The following ADAMTSL1 variants were observed in gnomAD, a reference collection of about 807,000 sequenced individuals.
ADAMTSL1 encodes the protein ADAMTS-like protein 1.
Under a neutral mutation model 201.8 loss-of-function variants are expected in ADAMTSL1, and 126 were observed. The ratio of observed to expected loss-of-function variants is 0.62; its 90% CI spans 0.54 to 0.72. The LOEUF is 0.72. Among genes scored for constraint, ADAMTSL1 ranks in the 30% least tolerant of loss-of-function variants. The pLI, the probability that ADAMTSL1 is intolerant of heterozygous loss-of-function variation, is 0.00. For missense variants in ADAMTSL1, 2,679 were observed against 2,277.8 expected (o/e 1.18, Z -3.59); for synonymous variants, 1,121 against 903.4 (o/e 1.24, Z -4.32).
At chr9:18,597,278 G>A (rs560923434) in intron 4 of ADAMTSL1, among the ~76,000 whole-genome samples, 63 of 152,260 alleles carry the variant, frequency 4.1e-4, no homozygotes, top group Middle Eastern at 3.4e-3. Context: ...CTGTTGATGT[G>A]AGCTAAATTT....
At chr9:18,431,373 C>A (rs1007664364) in intron 2 of ADAMTSL1, among the ~76,000 whole-genome samples, 1 of 152,144 alleles carries the variant, frequency 6.6e-6, no homozygotes, top group Non-Finnish European at 1.5e-5. Context: ...CAGTGTGGCT[C>A]ATTTTTCACA....
At chr9:18,183,894 A>G (rs1316112933) in intron 2 of ADAMTSL1, among the ~76,000 whole-genome samples, 1 of 152,214 alleles carries the variant, frequency 6.6e-6, no homozygotes, top group Non-Finnish European at 1.5e-5. Flanking sequence ...AATTTTATAT[A>G]GTTGAAACAA....
chr9:18,156,855 G>T (rs367741064), intron 1 of ADAMTSL1, among the ~76,000 whole-genome samples: 1 of 152,062 alleles, frequency 6.6e-6, no homozygotes, highest in Non-Finnish European at 1.5e-5. Flanking sequence ...GAACTCTTTG[G>T]AAACAGAATC....
intron 2 of ADAMTSL1, among the ~76,000 whole-genome samples, chr9:18,449,814 A>G (rs1045171733): frequency 2.6e-5 from 4 of 152,196 alleles, no homozygotes; most frequent in African/African-American, 9.6e-5. Flanking sequence ...AATGCACAGT[A>G]AAACCACAAT....
intron 4 of ADAMTSL1, among the ~76,000 whole-genome samples, chr9:18,611,182 C>T (rs1225045629): frequency 1.3e-5 from 2 of 152,114 alleles, no homozygotes; most frequent in Admixed American, 6.5e-5. Context: ...CATGATGTCA[C>T]CACAATTCAC....
At chr9:18,890,699 G>A (rs1317403214) in intron 25 of ADAMTSL1, 4 of 413,962 alleles carry the variant, frequency 9.7e-6, no homozygotes, top group Non-Finnish European at 2.0e-5. Context: ...CTGTAACATA[G>A]CCTGGCCCGC....
intron 21 of ADAMTSL1, among the ~76,000 whole-genome samples, chr9:18,821,381 T>C (rs1824199941): frequency 6.6e-6 from 1 of 152,178 alleles, no homozygotes; most frequent in Admixed American, 6.5e-5. Context: ...AAGGTCTCCA[T>C]AGGGGTTACC....
At chr9:18,805,104 G>T (rs1248461952) in intron 20 of ADAMTSL1, among the ~76,000 whole-genome samples, 2 of 152,036 alleles carry the variant, frequency 1.3e-5, no homozygotes, top group Non-Finnish European at 2.9e-5. Flanking sequence ...CTCTAATGGG[G>T]GTCACCCAGG....
intron 2 of ADAMTSL1, among the ~76,000 whole-genome samples, chr9:18,227,137 T>C: frequency 6.6e-6 from 1 of 152,152 alleles, no homozygotes. Context: ...ACATTACCCA[T>C]ACCTCAAAAC....
chr9:18,050,799 C>T (rs1821897733), intron 1 of ADAMTSL1, among the ~76,000 whole-genome samples: 1 of 152,122 alleles, frequency 6.6e-6, no homozygotes, highest in South Asian at 2.1e-4. Context: ...GGCTGCCTTC[C>T]CATGGCAGAA....
chr9:18,809,881 G>C (rs1324484476), intron 20 of ADAMTSL1, among the ~76,000 whole-genome samples: 1 of 152,202 alleles, frequency 6.6e-6, no homozygotes, highest in Non-Finnish European at 1.5e-5. Flanking sequence ...AAGTTGTATG[G>C]TTTGATTCAT....
intron 1 of ADAMTSL1, among the ~76,000 whole-genome samples, chr9:17,907,539 A>G (rs1052504421): frequency 5.9e-5 from 9 of 152,092 alleles, no homozygotes; most frequent in Non-Finnish European, 1.3e-4. Flanking sequence ...GGCCCTGACC[A>G]TACCCCCTCC....
chr9:17,953,715 G>A (rs998225547), intron 1 of ADAMTSL1, among the ~76,000 whole-genome samples: 1 of 152,142 alleles, frequency 6.6e-6, no homozygotes, highest in Admixed American at 6.6e-5. Context: ...GGATATGCTT[G>A]TATGTGCATG....
chr9:18,338,560 C>T (rs1206531789), intron 2 of ADAMTSL1, among the ~76,000 whole-genome samples: 2 of 152,142 alleles, frequency 1.3e-5, no homozygotes, highest in African/African-American at 4.8e-5. Flanking sequence ...GATCCTCCTA[C>T]CTCAGTCTCC....
intron 14 of ADAMTSL1, 69 bp downstream of exon 14, chr9:18,707,117 G>A: frequency 6.6e-7 from 1 of 1,526,554 alleles, no homozygotes; most frequent in Non-Finnish European, 8.8e-7. Context: ...GCATGCAGCT[G>A]GATCATGTGA....
chr9:18,366,433 T>A (rs906230032), intron 2 of ADAMTSL1, among the ~76,000 whole-genome samples: 1 of 152,090 alleles, frequency 6.6e-6, no homozygotes, highest in Non-Finnish European at 1.5e-5. Context: ...TCCTCATTTA[T>A]GTGTACATTT....
intron 23 of ADAMTSL1, among the ~76,000 whole-genome samples, chr9:18,844,332 G>A (rs546511716): frequency 2.9e-4 from 44 of 152,288 alleles, no homozygotes; most frequent in Non-Finnish European, 5.0e-4. Flanking sequence ...TACCAGCAGC[G>A]GTGGCTGCAG....
chr9:18,715,086 T>C (rs1182837509), intron 14 of ADAMTSL1, among the ~76,000 whole-genome samples: 165 of 98,032 alleles, frequency 1.7e-3, no homozygotes, highest in Non-Finnish European at 2.4e-3. Flanking sequence ...TTGGACGTAT[T>C]TCAAAATAAT....
At position 18,414,700 on chromosome 9, in the gene ADAMTSL1, C is replaced by T. The variant is rs58537526; in HGVS notation, c.208-90129C>T. On this transcript the variant is annotated intron_variant, in intron 2 of 29. Transcript: ENST00000680146. ...GGAGTTGAACTTTGAAGCAGAAAGA[C>T]CAAGATAGAGGCTGTACAACAGAGT... 2.3e-4 allele frequency among the ~76,000 whole-genome samples: 35 copies of T among 152,174 alleles called. No homozygotes were observed. The East Asian group carries it at 5.6e-3, about 24-fold the overall frequency.
Sources: gnomAD v4.1 joint callset for allele counts (sites outside exome capture counted in the v4.1 genomes callset) on GRCh38, gnomAD v4.1.1 for gene constraint, MANE v1.5 for transcripts, NCBI Gene and HGNC (gene_info 2026-07-23, HGNC 2026-07-21) for gene names.